Variants in MLLT10 observed in about 807,000 individuals in gnomAD.
MLLT10 encodes MLLT10 histone lysine methyltransferase DOT1L cofactor, also known as protein AF-10.
A neutral mutation model predicts 129.1 loss-of-function variants in MLLT10; 30 were observed. The observed-to-expected ratio is 0.23, with a 90% CI of 0.17 to 0.32. The LOEUF (loss-of-function observed/expected upper bound fraction) is 0.32. Among genes scored for constraint, MLLT10 ranks in the 10% least tolerant of loss-of-function variants. The pLI is 1.00. For synonymous variants in MLLT10, 490 were observed against 446.4 expected (o/e 1.10, Z -1.23); for missense variants, 1,119 against 1,268.3 (o/e 0.88, Z 1.79).
intron 13 of MLLT10, among the ~76,000 whole-genome samples, chr10:21,698,659 A>G (rs912960708): frequency 6.6e-6 from 1 of 152,204 alleles, no homozygotes; most frequent in Non-Finnish European, 1.5e-5. Flanking sequence ...ACTATTTTAT[A>G]TAGTGGTTGT....
intron 8 of MLLT10, among the ~76,000 whole-genome samples, chr10:21,646,052 A>G (rs2048441842): frequency 6.6e-6 from 1 of 152,136 alleles, no homozygotes; most frequent in African/African-American, 2.4e-5. Context: ...TAAAAATACA[A>G]AAGTTAGCCA....
chr10:21,676,287 G>A lies in MLLT10; in HGVS notation c.1621+2368G>A, dbSNP rs1208872876. On this transcript the variant is annotated intron_variant, in intron 11 of 22. Transcript: ENST00000307729. ...AAAAAAGTAGCCCGGCATGGTGGCG[G>A]GTGCCTGTAGTCCTAGCTACTCGGA... 2.0e-5 allele frequency among the ~76,000 whole-genome samples: 3 copies of A among 152,070 alleles called. No individual in the cohort carries two copies. The East Asian group carries it at 5.8e-4, about 30-fold the overall frequency.
chr10:21,565,808 G>A (rs2039477283), intron 3 of MLLT10, among the ~76,000 whole-genome samples: 1 of 151,508 alleles, frequency 6.6e-6, no homozygotes, highest in Non-Finnish European at 1.5e-5. Flanking sequence ...GTCTTGTTAT[G>A]TTGCCCAGCC....
At chr10:21,556,537 C>G in intron 3 of MLLT10, 1 of 773,142 alleles carries the variant, frequency 1.3e-6, no homozygotes, top group Admixed American at 2.8e-5. Context: ...AGATTTCTTC[C>G]ATTTACCCTC....
chr10:21,556,646 G>A (rs1458063997), intron 3 of MLLT10: 3 of 1,607,010 alleles, frequency 1.9e-6, no homozygotes, highest in Non-Finnish European at 2.6e-6. Flanking sequence ...TTTTCAGATG[G>A]TATGCAATTC....
At chr10:21,574,967 C>T (rs1373699615) in intron 3 of MLLT10, among the ~76,000 whole-genome samples, 5 of 152,190 alleles carry the variant, frequency 3.3e-5, no homozygotes, top group South Asian at 2.1e-4. Flanking sequence ...TACTGCAGTC[C>T]AGCAGGACTC....
intron 8 of MLLT10, among the ~76,000 whole-genome samples, chr10:21,618,666 C>G (rs892280917): frequency 6.6e-6 from 1 of 151,938 alleles, no homozygotes; most frequent in Admixed American, 6.6e-5. Flanking sequence ...CAGAGTCCCA[C>G]TCTGTTGCCC....
chr10:21,735,119 G>C lies in MLLT10; in HGVS notation c.2859-20G>C. On this transcript the variant is annotated intron_variant, in intron 20 of 22. Transcript: ENST00000307729. ...ATTAGAGGTGTGTAGTAAAAAGTAA[G>C]AATTGTAATCATTTTTCAGTGCCTC... is the stretch of plus-strand genomic sequence containing the variant. 6.3e-7 allele frequency: 1 copy of C among 1,590,390 alleles called. No individual in the cohort carries two copies. Among genetic ancestry groups the C allele is most frequent in the Non-Finnish European group, 8.6e-7 (1 of 1,161,614 alleles).
intron 4 of MLLT10, among the ~76,000 whole-genome samples, chr10:21,591,123 T>C (rs891389576): frequency 5.9e-5 from 9 of 152,178 alleles, no homozygotes; most frequent in Non-Finnish European, 1.3e-4. Flanking sequence ...AGTGGTGTGA[T>C]CTTGGCTCAG....
At chr10:21,682,988 T>C (rs1006773426) in intron 13 of MLLT10, among the ~76,000 whole-genome samples, 21 of 152,250 alleles carry the variant, frequency 1.4e-4, no homozygotes, top group African/African-American at 5.1e-4. Context: ...ACTGTTTATG[T>C]TCGACTCATT....
intron 14 of MLLT10, among the ~76,000 whole-genome samples, chr10:21,716,481 T>C (rs1344064227): frequency 6.6e-6 from 1 of 152,004 alleles, no homozygotes; most frequent in Non-Finnish European, 1.5e-5. Context: ...TCACCTGAGG[T>C]CAGGAGTTCA....
chr10:21,631,505 A>G (rs768701389), intron 8 of MLLT10, among the ~76,000 whole-genome samples: 1 of 151,972 alleles, frequency 6.6e-6, no homozygotes, highest in Non-Finnish European at 1.5e-5. Flanking sequence ...ACACTGCTAT[A>G]AATGAGAATG....
chr10:21,623,182 G>A (rs2046070671), intron 8 of MLLT10, among the ~76,000 whole-genome samples: 1 of 152,126 alleles, frequency 6.6e-6, no homozygotes, highest in Admixed American at 6.6e-5. Flanking sequence ...CCATTATGTA[G>A]GCACAATTTA....
intron 5 of MLLT10, among the ~76,000 whole-genome samples, chr10:21,611,543 T>G (rs1423285988): frequency 3.9e-5 from 6 of 152,200 alleles, no homozygotes; most frequent in African/African-American, 1.2e-4. Flanking sequence ...AGACATAACT[T>G]TTTGTATCCT....
chr10:21,576,242 C>CTTTT (rs556175778), intron 3 of MLLT10, among the ~76,000 whole-genome samples: 1 of 128,094 alleles, frequency 7.8e-6, no homozygotes, highest in African/African-American at 2.9e-5. Context: ...TATCCATTTA[C>CTTTT]TTTTTTTTTT....
intron 3 of MLLT10, among the ~76,000 whole-genome samples, chr10:21,582,363 G>GC (rs1308974775): frequency 6.6e-6 from 1 of 152,034 alleles, no homozygotes; most frequent in Non-Finnish European, 1.5e-5. Flanking sequence ...CAGGTGATCT[G>GC]CCCGCCTCAG....
At chr10:21,713,150 C>T (rs1029486708) in intron 13 of MLLT10, among the ~76,000 whole-genome samples, 2 of 152,180 alleles carry the variant, frequency 1.3e-5, no homozygotes, top group African/African-American at 4.8e-5. Context: ...TTCCTCCTCT[C>T]CTACCCCTGC....
Position 21,534,521 on chromosome 10 carries a change from G to C in MLLT10, c.-1+1G>C, listed in dbSNP as rs2033431379. 3.7e-6 allele frequency: 4 copies of C among 1,078,500 alleles called. No homozygotes were observed. The South Asian group carries it at 6.5e-5, about 18-fold the overall frequency. The allele number at this position is 1,078,500 out of a possible 1,614,324, so 66.8% of individuals were successfully genotyped here. A position where few individuals can be genotyped will look rare whatever the true frequency, so the allele number is the denominator to read the frequency against. On this transcript the variant is annotated splice_donor_variant, in intron 1 of 22. Transcript: ENST00000307729. LOFTEE classifies it low-confidence loss of function (5UTR_SPLICE). ...TGAGTGACTGAGCGGCAAAGCCCGA[G>C]TGAGCGAGCGGTGGGCTGCCGGGCC...
At chr10:21,555,606 C>T (rs1337471266) in intron 3 of MLLT10, among the ~76,000 whole-genome samples, 1 of 152,010 alleles carries the variant, frequency 6.6e-6, no homozygotes, top group Non-Finnish European at 1.5e-5. Context: ...ACTGTTTTGG[C>T]CTGTCTTTCG....
Sources: allele counts gnomAD v4.1 joint callset (sites outside exome capture counted in the v4.1 genomes callset), GRCh38; gene constraint gnomAD v4.1.1; transcripts MANE v1.5; gene names NCBI Gene and HGNC (gene_info 2026-07-23, HGNC 2026-07-21).